The following COL4A3 variants were observed in gnomAD, a reference collection of about 807,000 sequenced individuals.
COL4A3 encodes collagen type IV alpha 3 chain, also known as collagen alpha-3(IV) chain.
A neutral mutation model predicts 217.4 loss-of-function variants in COL4A3; 135 were observed. The ratio of observed to expected loss-of-function variants is 0.62; its 90% CI spans 0.54 to 0.72. The LOEUF is 0.72. Among genes scored for constraint, COL4A3 ranks in the 30% least tolerant of loss-of-function variants. The pLI, the probability that COL4A3 is intolerant of heterozygous loss-of-function variation, is 0.00. For missense variants in COL4A3, 1,868 were observed against 2,119.9 expected (o/e 0.88, Z 2.33); for synonymous variants, 690 against 736.3 (o/e 0.94, Z 1.02).
At chr2:227,266,948 A>T (rs1486793625) in intron 22 of COL4A3, 45 bp from the exon 23 acceptor site, 1 of 1,285,774 alleles carries the variant, frequency 7.8e-7, no homozygotes, top group Admixed American at 1.7e-5. Flanking sequence ...CTTTCTGAGG[A>T]CTCAATGTAG....
At chr2:227,171,198 A>G (rs1476558858) in intron 1 of COL4A3, among the ~76,000 whole-genome samples, 1 of 152,208 alleles carries the variant, frequency 6.6e-6, no homozygotes, top group Non-Finnish European at 1.5e-5. Context: ...TTTCCCTGAA[A>G]GAAACTAGAA....
chr2:227,177,452 G>T (rs1379067609), intron 1 of COL4A3, among the ~76,000 whole-genome samples: 2 of 151,948 alleles, frequency 1.3e-5, no homozygotes, highest in African/African-American at 4.8e-5. Flanking sequence ...ACCTCACCTG[G>T]CCTATTTTTC....
At chr2:227,257,852 T>C (rs981848314) in intron 18 of COL4A3, among the ~76,000 whole-genome samples, 1 of 152,194 alleles carries the variant, frequency 6.6e-6, no homozygotes, top group African/African-American at 2.4e-5. Flanking sequence ...AAGGCACTAG[T>C]GATGCCCATG....
rs2106305316 is a variant in COL4A3, at chr2:227,314,618, A to T, written c.*2748A>T. On this transcript the variant is annotated 3_prime_UTR_variant, in exon 52 of 52. Coordinates refer to ENST00000396578, the MANE Select transcript of COL4A3 (RefSeq NM_000091.5). The stretch of plus-strand genomic sequence containing the variant: ...TATCAAATGTAACTTACTGCGACTA[A>T]ACTTAATTTAATATTTACTCTATAA... 1 of 152,640 alleles carries T rather than the reference A, an allele frequency of 6.6e-6. No homozygotes were observed. The highest frequency in any genetic ancestry group is 2.1e-4 in the South Asian group (1 of 4,832). The allele number at this position is 152,640 out of a possible 1,614,324, so 9.5% of individuals were successfully genotyped here. A position where few individuals can be genotyped will look rare whatever the true frequency, so the allele number is the denominator to read the frequency against.
At chr2:227,294,338 T>A in intron 38 of COL4A3, 152 bp from the exon 39 acceptor site, 1 of 727,126 alleles carries the variant, frequency 1.4e-6, no homozygotes. Flanking sequence ...AATTGCAGCC[T>A]GGACAAAATC....
chr2:227,200,213 T>C (rs17368019), intron 1 of COL4A3, among the ~76,000 whole-genome samples: 21,801 of 152,248 alleles, frequency 0.14, 1,698 homozygotes, highest in Non-Finnish European at 0.17. Context: ...TTACATAGTG[T>C]GTATGTGTAG....
chr2:227,165,726 C>T (rs2065236690), intron 1 of COL4A3, among the ~76,000 whole-genome samples: 2 of 152,198 alleles, frequency 1.3e-5, no homozygotes, highest in South Asian at 2.1e-4. Context: ...TGGAAATTAA[C>T]GGTCACATAA....
At chr2:227,174,357 T>C (rs764750599) in intron 1 of COL4A3, among the ~76,000 whole-genome samples, 3 of 152,032 alleles carry the variant, frequency 2.0e-5, no homozygotes, top group African/African-American at 4.8e-5. Flanking sequence ...AGGTAAGAGG[T>C]TTAGTATTAC....
intron 1 of COL4A3, among the ~76,000 whole-genome samples, chr2:227,171,074 AT>A (rs1166017297): frequency 6.6e-6 from 1 of 152,234 alleles, no homozygotes; most frequent in Admixed American, 6.5e-5. Flanking sequence ...CAAATGTAGC[AT>A]TTAATGGCTT....
At position 227,293,306 on chromosome 2, in the gene COL4A3, C is replaced by G. The variant is rs373982111; in HGVS notation, c.3326C>G (p.Pro1109Arg). The G allele has an allele frequency of 2.5e-6, 4 of 1,613,830 alleles. No individual in the cohort carries two copies. The African/African-American group carries it at 4.0e-5, about 16-fold the overall frequency. ...GGAGCCCCTGGAAGTCCTGGAAGTC[C>G]TGGCCTCCCAGGTAAGGCTTGAGTT... ...PEGAPGSPGS[P>R]GLPGKPGPHG... The change falls in exon 38 of 52, where the codon CCT (proline) becomes CGT (arginine). Residue 1109 changes from proline (P) to arginine (R), a missense_variant. This residue lies in a region of COL4A3 where 1,503 missense variants were observed against 1,786.1 expected (regional missense o/e 0.84). Transcript: ENST00000396578.
intron 1 of COL4A3, among the ~76,000 whole-genome samples, chr2:227,187,992 T>A (rs1389375393): frequency 6.6e-6 from 1 of 152,182 alleles, no homozygotes; most frequent in Non-Finnish European, 1.5e-5. Context: ...CAGTCAGCTG[T>A]ACCCAAGAAT....
chr2:227,243,598 CAAAT>C (rs1234800375), intron 3 of COL4A3, among the ~76,000 whole-genome samples: 1 of 152,146 alleles, frequency 6.6e-6, no homozygotes, highest in Non-Finnish European at 1.5e-5. Flanking sequence ...ACCCTTTTCT[CAAAT>C]AATAACAATA....
chr2:227,289,519 T>C (rs2072549852), intron 35 of COL4A3, among the ~76,000 whole-genome samples: 1 of 152,252 alleles, frequency 6.6e-6, no homozygotes, highest in Non-Finnish European at 1.5e-5. Context: ...TGTATCACTA[T>C]ATCACATATC....
At chr2:227,174,616 C>T (rs2065609436) in intron 1 of COL4A3, among the ~76,000 whole-genome samples, 2 of 152,204 alleles carry the variant, frequency 1.3e-5, no homozygotes, top group South Asian at 2.1e-4. Flanking sequence ...AAGTGATCCT[C>T]CTGCCTCAGC....
chr2:227,277,478 G>A lies in COL4A3; in HGVS notation c.2050G>A (p.Asp684Asn). Residue 684 changes from aspartate (D) to asparagine (N), a missense_variant, in exon 28 of 52, where the codon GAT becomes AAT. Asp to Asn is a conservative substitution (Grantham distance 23). Transcript: ENST00000396578. ...CCCTGGATCCCTGGGGAAATGTGGA[G>A]ATCCTGGTCTTCCAGGGCCTGATGG... is the stretch of plus-strand genomic sequence containing the variant. ...GIPGSLGKCG[D>N]PGLPGPDGEP... The A allele has an allele frequency of 6.2e-7, 1 of 1,612,794 alleles. No individual in the cohort carries two copies. Among genetic ancestry groups the A allele is most frequent in the South Asian group, 1.1e-5 (1 of 90,438 alleles).
In COL4A3 at chr2:227,244,667, T is replaced by C. The variant is rs182187264; in HGVS notation, c.280-284T>C. Among the ~76,000 whole-genome samples the C allele has an allele frequency of 1.9e-3, 293 of 152,322 alleles. 3 individuals are homozygous for C. Among genetic ancestry groups the C allele is most frequent in the African/African-American group, 6.8e-3 (281 of 41,570 alleles). ...TTTGTTAAGCTGTTCAATTAAGCTG[T>C]TCTCAAAAGATTGGAGCACTTCATT... On this transcript the variant is annotated intron_variant, in intron 4 of 51. Coordinates refer to ENST00000396578, the MANE Select transcript of COL4A3 (RefSeq NM_000091.5).
rs201282268 is a variant in COL4A3 at position 227,203,489 on chromosome 2, GTA to G, written c.88-34475_88-34474del. On this transcript the variant is annotated intron_variant, in intron 1 of 51. Transcript: ENST00000396578. ...TGTATATATGTGTATACATATGTGT[GTA>G]TATGTGTATATATACATATATGTGT... 5.7e-5 allele frequency among the ~76,000 whole-genome samples: 2 copies of G among 35,076 alleles called. 1 individual carries two copies. The highest frequency in any genetic ancestry group is 2.2e-3 in the East Asian group (2 of 890). The allele number at this position is 35,076 out of a possible 152,430, so 23.0% of individuals were successfully genotyped here. A position where few individuals can be genotyped will look rare whatever the true frequency, so the allele number is the denominator to read the frequency against.
chr2:227,231,912 A>ATT (rs35294317), intron 1 of COL4A3, among the ~76,000 whole-genome samples: 3,516 of 151,616 alleles, frequency 0.023, 55 homozygotes, highest in Middle Eastern at 0.048. Flanking sequence ...ATTCATTCTA[A>ATT]TTTTTTTTTG....
intron 1 of COL4A3, among the ~76,000 whole-genome samples, chr2:227,212,696 T>C (rs1419722095): frequency 6.6e-6 from 1 of 152,236 alleles, no homozygotes; most frequent in East Asian, 1.9e-4. Context: ...AAGGGCAAGC[T>C]CCCTCCTGGG....
Sources: allele counts gnomAD v4.1 joint callset (sites outside exome capture counted in the v4.1 genomes callset), GRCh38; gene constraint gnomAD v4.1.1; regional missense constraint gnomAD v4.1.1; transcripts MANE v1.5; gene names NCBI Gene and HGNC (gene_info 2026-07-23, HGNC 2026-07-21).